The following CTNNA2 variants were observed in gnomAD, a reference collection of about 807,000 sequenced individuals.
The protein encoded by CTNNA2 is catenin alpha 2, also known as catenin alpha-2.
CTNNA2 carries 42 observed loss-of-function variants against 101.0 expected under a neutral mutation model. The observed-to-expected ratio is 0.42, with a 90% CI of 0.32 to 0.54. The LOEUF (loss-of-function observed/expected upper bound fraction) is 0.54. CTNNA2 is among the 20% of genes least tolerant of loss of function. The probability of loss-of-function intolerance (pLI) is 0.14; values close to 1 mark genes in which losing one functional copy is unlikely to be tolerated. For synonymous variants in CTNNA2, 450 were observed against 456.4 expected, an observed-to-expected ratio of 0.99 and a Z score of 0.18; for missense variants, 871 against 1,223.1, an observed-to-expected ratio of 0.71 and a Z score of 4.29.
intron 15 of CTNNA2, among the ~76,000 whole-genome samples, chr2:80,590,711 T>A (rs576278381): frequency 3.3e-5 from 5 of 152,324 alleles, no homozygotes; most frequent in Non-Finnish European, 7.3e-5. Flanking sequence ...TAAAATTGTT[T>A]TTTTTACTTC....
At chr2:79,987,338 G>T (rs1315004311) in intron 7 of CTNNA2, among the ~76,000 whole-genome samples, 1 of 152,110 alleles carries the variant, frequency 6.6e-6, no homozygotes, top group African/African-American at 2.4e-5. Context: ...TGATTTTCTA[G>T]CATCTCATTG....
At chr2:80,141,396 A>T (rs760775942) in intron 7 of CTNNA2, among the ~76,000 whole-genome samples, 6 of 152,080 alleles carry the variant, frequency 3.9e-5, no homozygotes, top group Admixed American at 1.3e-4. Flanking sequence ...GGTTCAAAGG[A>T]GGGTGGAAGG....
At chr2:80,570,868 C>T (rs967926731) in intron 12 of CTNNA2, among the ~76,000 whole-genome samples, 2 of 152,104 alleles carry the variant, frequency 1.3e-5, no homozygotes, top group African/African-American at 4.8e-5. Context: ...GTATGCCATG[C>T]TGGTGCAAAT....
chr2:79,237,020 A>T (rs1674566025), intron 2 of CTNNA2, among the ~76,000 whole-genome samples: 1 of 152,240 alleles, frequency 6.6e-6, no homozygotes, highest in Non-Finnish European at 1.5e-5. Flanking sequence ...ATGGCATCTA[A>T]AATGGTGAAT....
chr2:79,748,841 G>T (rs1285040716), intron 3 of CTNNA2, among the ~76,000 whole-genome samples: 1 of 152,008 alleles, frequency 6.6e-6, no homozygotes, highest in African/African-American at 2.4e-5. Context: ...TCCAGTAGAA[G>T]ATTTCCCTAT....
At chr2:80,309,476 G>A (rs1677332887) in intron 7 of CTNNA2, among the ~76,000 whole-genome samples, 2 of 152,028 alleles carry the variant, frequency 1.3e-5, no homozygotes, top group South Asian at 4.1e-4. Context: ...AAACTGAAAG[G>A]GACATTAAAC....
At chr2:80,535,869 TACCTC>T (rs1388255086) in intron 9 of CTNNA2, among the ~76,000 whole-genome samples, 2 of 152,194 alleles carry the variant, frequency 1.3e-5, no homozygotes, top group Non-Finnish European at 2.9e-5. Flanking sequence ...GATTCCATAA[TACCTC>T]AGCAGGAAAG....
At chr2:79,653,805 C>A (rs1042292969) in intron 2 of CTNNA2, among the ~76,000 whole-genome samples, 1 of 152,192 alleles carries the variant, frequency 6.6e-6, no homozygotes. Context: ...TCTTTCAACA[C>A]TTTGCTTAGA....
chr2:80,628,790 A>C (rs1177520662), intron 18 of CTNNA2, among the ~76,000 whole-genome samples: 1 of 151,962 alleles, frequency 6.6e-6, no homozygotes, highest in African/African-American at 2.4e-5. Context: ...TGGCAGATAG[A>C]AGCTGCCAAT....
intron 3 of CTNNA2, among the ~76,000 whole-genome samples, chr2:79,842,096 T>C (rs529494058): frequency 8.3e-4 from 127 of 152,344 alleles, no homozygotes; most frequent in Non-Finnish European, 1.4e-3. Flanking sequence ...ATCAGGATTT[T>C]ATTTAGATTA....
chr2:80,079,630 G>A (rs1391994301), intron 7 of CTNNA2, among the ~76,000 whole-genome samples: 2 of 151,886 alleles, frequency 1.3e-5, no homozygotes, highest in Admixed American at 6.6e-5. Flanking sequence ...TGGCTAACAC[G>A]GTGAAACCCC....
intron 7 of CTNNA2, among the ~76,000 whole-genome samples, chr2:79,961,256 C>A (rs1192644487): frequency 6.6e-6 from 1 of 152,154 alleles, no homozygotes; most frequent in African/African-American, 2.4e-5. Context: ...TGGGCACAGA[C>A]TTAAGTAAAT....
chr2:79,355,712 C>T (rs924750623), intron 3 of CTNNA2, among the ~76,000 whole-genome samples: 5 of 151,998 alleles, frequency 3.3e-5, no homozygotes, highest in Non-Finnish European at 5.9e-5. Context: ...TCCTTTTATC[C>T]CTGACTTCTT....
chr2:80,104,283 C>G (rs1700738816), intron 7 of CTNNA2, among the ~76,000 whole-genome samples: 1 of 152,194 alleles, frequency 6.6e-6, no homozygotes, highest in South Asian at 2.1e-4. Flanking sequence ...CTTATGCTTT[C>G]TCCTATCCCT....
intron 7 of CTNNA2, among the ~76,000 whole-genome samples, chr2:80,291,890 C>A (rs1675291531): frequency 6.6e-6 from 1 of 152,196 alleles, no homozygotes; most frequent in African/African-American, 2.4e-5. Flanking sequence ...AAAGGCAAGC[C>A]ACTAAAGAAC....
intron 1 of CTNNA2, among the ~76,000 whole-genome samples, chr2:79,516,641 G>T (rs1023857437): frequency 6.6e-6 from 1 of 152,118 alleles, no homozygotes; most frequent in African/African-American, 2.4e-5. Flanking sequence ...TACATAGAAG[G>T]TTCAGCTACC....
chr2:79,563,979 A>AGACAGG (rs1324416890), intron 1 of CTNNA2, among the ~76,000 whole-genome samples: 2 of 152,088 alleles, frequency 1.3e-5, no homozygotes, highest in Non-Finnish European at 2.9e-5. Flanking sequence ...TCCAGGATGC[A>AGACAGG]TTACTGGAGC....
intron 7 of CTNNA2, among the ~76,000 whole-genome samples, chr2:80,035,932 T>C (rs1305080275): frequency 2.0e-5 from 3 of 152,166 alleles, no homozygotes; most frequent in Non-Finnish European, 1.5e-5. Flanking sequence ...TTTCCTCCTA[T>C]GACAGAATGA....
Position 79,869,911 on chromosome 2 carries a change from C to T in CTNNA2, c.561C>T (p.Asn187=), listed in dbSNP as rs748207228. The change falls in exon 5 of 19, where the codon AAC becomes AAT. Residue 187 remains asparagine (N), a synonymous_variant. Transcript: ENST00000402739. Reference sequence around the variant, plus strand: ...TTGGGAAAGAGATGGTGAAACTTAACTATGTAGCAGCAAGAAGACAACAGG... The same window carrying T: ...TTGGGAAAGAGATGGTGAAACTTAATTATGTAGCAGCAAGAAGACAACAGG... ...KEFGKEMVKL[N]YVAARRQQEL... is the part of the protein sequence containing the mutation. 7.4e-6 allele frequency: 12 copies of T among 1,613,960 alleles called. No homozygotes were observed. The South Asian group carries it at 1.1e-4, about 15-fold the overall frequency.
Sources: gnomAD v4.1 joint callset for allele counts (sites outside exome capture counted in the v4.1 genomes callset) on GRCh38, gnomAD v4.1.1 for gene constraint, MANE v1.5 for transcripts, NCBI Gene and HGNC (gene_info 2026-07-23, HGNC 2026-07-21) for gene names.